The following RAB37 variants were observed in gnomAD, a reference collection of about 807,000 sequenced individuals.
RAB37 encodes the protein ras-related protein Rab-37.
Under a neutral mutation model 33.1 loss-of-function variants are expected in RAB37, and 29 were observed. That is an observed-to-expected ratio of 0.88 (90% CI 0.65 to 1.20). The LOEUF (loss-of-function observed/expected upper bound fraction) is 1.20. RAB37 is among the 50% of genes most tolerant of loss of function. RAB37 has a pLI of 0.00. For synonymous variants in RAB37, 128 were observed against 119.5 expected (o/e 1.07, Z -0.47); for missense variants, 299 against 301.1 (o/e 0.99, Z 0.05).
At chr17:74,734,556 C>T (rs1327881350), upstream of RAB37, among the ~76,000 whole-genome samples, 1 of 152,148 alleles carries the variant, frequency 6.6e-6, no homozygotes, top group South Asian at 2.1e-4. Flanking sequence ...TGAAAACCCG[C>T]ATCCTGGCTG....
At chr17:74,716,561 C>A (rs571902746) in intron 1 of RAB37, among the ~76,000 whole-genome samples, 1 of 152,146 alleles carries the variant, frequency 6.6e-6, no homozygotes, top group South Asian at 2.1e-4. Context: ...AAAGGTGATG[C>A]GTTTCTCATT....
In RAB37 at chr17:74,704,439, G is replaced by A. The variant is rs1442422127; in HGVS notation, c.73-24817G>A. Reference sequence around the variant, plus strand: ...GGACCTCAGAGACCAGGACAGAGCAGGCCCTGAGAGACACACACATATATA... The same window carrying A: ...GGACCTCAGAGACCAGGACAGAGCAAGCCCTGAGAGACACACACATATATA... On this transcript the variant is annotated intron_variant, in intron 1 of 7. Transcript: ENST00000340415. 5 of 1,409,994 alleles carry A rather than the reference G, an allele frequency of 3.5e-6. No homozygotes were observed. In the South Asian group the frequency reaches 6.3e-5, roughly 18 times the overall value. 87.3% of individuals were successfully genotyped at this position (1,409,994 alleles called of 1,614,324 possible).
At chr17:74,703,057 T>C in intron 1 of RAB37, 1 of 1,613,990 alleles carries the variant, frequency 6.2e-7, no homozygotes, top group Non-Finnish European at 8.5e-7. Context: ...TGGTGGCCGG[T>C]CAGAGTTGGG....
chr17:74,675,563 T>C (rs2143457292), intron 1 of RAB37, among the ~76,000 whole-genome samples: 1 of 152,134 alleles, frequency 6.6e-6, no homozygotes, highest in South Asian at 2.1e-4. Flanking sequence ...TACAAGAGAA[T>C]CTCAGAAACA....
chr17:74,702,968 C>T, intron 1 of RAB37: 4 of 1,319,048 alleles, frequency 3.0e-6, no homozygotes, highest in Non-Finnish European at 4.4e-6. Context: ...GAAAATGGGA[C>T]TTCAAAGAGT....
chr17:74,745,093 T>TGGGCA lies in RAB37; in HGVS notation c.566+13_566+17dup, dbSNP rs199603373. Reference sequence around the variant, plus strand: ...TTTCTGGCCATCGCCAAGTGAGAGCTGGGCAGGGAAGGGAAGTGTGCGGGG... The same window carrying TGGGCA: ...TTTCTGGCCATCGCCAAGTGAGAGCTGGGCAGGGCAGGGAAGGGAAGTGTGCGGGG... On this transcript the variant is annotated intron_variant, in intron 8 of 8. Transcript: ENST00000392613. This position sits in a 1 kb window ranked among gnomAD's most constrained non-coding sequence, Gnocchi z 4.5. 20,767 of 1,613,946 alleles carry TGGGCA rather than the reference T, an allele frequency of 0.013. 166 individuals are homozygous for TGGGCA. The highest frequency in any genetic ancestry group is 0.015 in the Non-Finnish European group (18,257 of 1,179,934).
intron 1 of RAB37, among the ~76,000 whole-genome samples, chr17:74,678,537 C>T (rs2031889143): frequency 6.6e-6 from 1 of 152,166 alleles, no homozygotes; most frequent in Admixed American, 6.5e-5. Flanking sequence ...CAGTTTCTAC[C>T]CATCAACATG....
At position 74,745,129 on chromosome 17, in the gene RAB37, C is replaced by T. The variant is rs2034725456; in HGVS notation, c.566+45C>T. On this transcript the variant is annotated intron_variant, in intron 8 of 8. Coordinates refer to ENST00000392613, the MANE Select transcript of RAB37 (RefSeq NM_001006638.3). The surrounding 1 kb of genome is among the most constrained non-coding windows in gnomAD (Gnocchi z 4.5). ...GGGAAGTGTGCGGGGCAGGGCGGCACACTCCAGGAATCCAGTAGGGCCCGG... is the reference window on the plus strand; with the variant it reads ...GGGAAGTGTGCGGGGCAGGGCGGCATACTCCAGGAATCCAGTAGGGCCCGG... 1 of 1,604,500 alleles carries T rather than the reference C, an allele frequency of 6.2e-7. No individual in the cohort carries two copies. The highest frequency in any genetic ancestry group is 1.1e-5 in the South Asian group (1 of 90,856).
At chr17:74,694,433 G>A (rs909621703) in intron 1 of RAB37, 1 of 152,222 alleles carries the variant, frequency 6.6e-6, no homozygotes, top group Non-Finnish European at 1.5e-5. Flanking sequence ...GGAGGCTCCA[G>A]GCAGGGGAAT....
At chr17:74,712,891 C>T in intron 1 of RAB37, 1 of 1,613,198 alleles carries the variant, frequency 6.2e-7, no homozygotes. Context: ...GGTCCCCGTT[C>T]CCCTCAGTGG....
intron 1 of RAB37, among the ~76,000 whole-genome samples, chr17:74,690,159 C>G (rs1365817462): frequency 6.6e-6 from 1 of 152,112 alleles, no homozygotes. Context: ...GTAGGCCTCC[C>G]TATGTTGCTC....
Position 74,737,269 on chromosome 17 carries a change from G to C in RAB37, c.-4G>C. The C allele has an allele frequency of 7.0e-6, 11 of 1,561,568 alleles. No homozygotes were observed. Among genetic ancestry groups the C allele is most frequent in the Non-Finnish European group, 9.5e-6 (11 of 1,160,166 alleles). ...CCGGCACTGCTCACCTCTCGTCCAG[G>C]GACATGACGGGCACGCCAGGCGCCG... On this transcript the variant is annotated 5_prime_UTR_variant, in exon 1 of 9. Coordinates refer to ENST00000392613, the MANE Select transcript of RAB37 (RefSeq NM_001006638.3).
intron 1 of RAB37, among the ~76,000 whole-genome samples, chr17:74,707,434 G>A (rs1035033996): frequency 1.3e-5 from 2 of 152,148 alleles, no homozygotes; most frequent in African/African-American, 4.8e-5. Context: ...ACCAAAAGAG[G>A]GTCAGGCACA....
At position 74,744,393 on chromosome 17, in the gene RAB37, G is replaced by T; in HGVS notation, c.432+20G>T. ...AACAAGGTGAGTGGCTCCGGGGCAG[G>T]GTCAGCCCAGCCCTGCACTTCCTCA... is the stretch of plus-strand genomic sequence containing the variant. On this transcript the variant is annotated intron_variant, in intron 6 of 8. Transcript: ENST00000392613. The surrounding 1 kb of genome is among the most constrained non-coding windows in gnomAD (Gnocchi z 4.2). The T allele has an allele frequency of 1.2e-6, 2 of 1,613,198 alleles. No individual in the cohort carries two copies. Among genetic ancestry groups the T allele is most frequent in the Non-Finnish European group, 1.7e-6 (2 of 1,179,202 alleles).
At chr17:74,693,457 T>A (rs2032206218) in intron 1 of RAB37, among the ~76,000 whole-genome samples, 1 of 152,038 alleles carries the variant, frequency 6.6e-6, no homozygotes, top group African/African-American at 2.4e-5. Context: ...TTGGAAAAGA[T>A]CACTCTGGTT....
intron 1 of RAB37, among the ~76,000 whole-genome samples, chr17:74,674,368 A>G (rs912776277): frequency 6.6e-6 from 1 of 151,108 alleles, no homozygotes; most frequent in Non-Finnish European, 1.5e-5. Context: ...TGTATGAGCC[A>G]CCATGCCCAG....
chr17:74,696,133 A>G, intron 1 of RAB37: 6 of 1,560,924 alleles, frequency 3.8e-6, no homozygotes, highest in Non-Finnish European at 5.2e-6. Context: ...TGAGAGATGG[A>G]AAATGAGGAA....
chr17:74,741,354 G>A (rs867492650), intron 2 of RAB37, among the ~76,000 whole-genome samples: 2 of 152,080 alleles, frequency 1.3e-5, no homozygotes, highest in African/African-American at 2.4e-5. Context: ...TTGGGAGGCC[G>A]AAGCGGTCAG....
At position 74,710,662 on chromosome 17, in the gene RAB37, C is replaced by T. The variant is rs542787546; in HGVS notation, c.73-18594C>T. Among the ~76,000 whole-genome samples, 330 of 150,556 alleles carry T rather than the reference C, an allele frequency of 2.2e-3. 1 individual carries two copies. The highest frequency in any genetic ancestry group is 8.0e-3 in the African/African-American group (327 of 40,944). ...TCACTTGAGGTCAGGAGTTCGAGAC[C>T]AGCCTAACCAACATGGTAAAACCCC... On this transcript the variant is annotated intron_variant, in intron 1 of 7. Coordinates refer to the RAB37 transcript ENST00000340415.
Sources: allele counts gnomAD v4.1 joint callset (sites outside exome capture counted in the v4.1 genomes callset), GRCh38; gene constraint gnomAD v4.1.1; non-coding constraint Gnocchi (gnomAD v3.1); transcripts MANE v1.5; gene names NCBI Gene and HGNC (gene_info 2026-07-23, HGNC 2026-07-21).